SLIT2: variants seen among roughly 807,000 people sequenced by gnomAD.
The protein encoded by SLIT2 is slit guidance ligand 2, also known as slit homolog 2 protein.
A neutral mutation model predicts 185.7 loss-of-function variants in SLIT2; 41 were observed. The observed-to-expected ratio is 0.22, with a 90% CI of 0.17 to 0.29. SLIT2 has a LOEUF of 0.29. Ranked by LOEUF, SLIT2 falls within the 10% of genes least tolerant of loss-of-function variation. The pLI is 1.00. For missense variants in SLIT2, 1,571 were observed against 1,909.0 expected (o/e 0.82, Z 3.30); for synonymous variants, 693 against 680.2 (o/e 1.02, Z -0.29).
intron 4 of SLIT2, among the ~76,000 whole-genome samples, chr4:20,424,875 AGTAACAATGAATGAGACTT>A (rs1276981658): frequency 6.6e-6 from 1 of 152,146 alleles, no homozygotes; most frequent in Non-Finnish European, 1.5e-5. Flanking sequence ...CAAATTTTAA[AGTAACAATGAATGAGACTT>A]TACTAATATC....
In SLIT2 at chr4:20,542,502, G is replaced by A; in HGVS notation, c.2152G>A (p.Asp718Asn). The change falls in exon 21 of 37, where the codon GAC becomes AAC. Residue 718 changes from aspartate (D) to asparagine (N), a missense_variant. Transcript: ENST00000504154. ...QDFTCDDGND[D>N]NSCSPLSRCP... ...TTTCCTCTGCGATTTAGGAAATGAT[G>A]ACAATAGTTGCTCCCCACTTTCTCG... is the stretch of plus-strand genomic sequence containing the variant. The A allele has an allele frequency of 1.2e-6, 2 of 1,613,316 alleles. No homozygotes were observed. The highest frequency in any genetic ancestry group is 1.7e-6 in the Non-Finnish European group (2 of 1,179,622).
intron 4 of SLIT2, among the ~76,000 whole-genome samples, chr4:20,409,852 G>A (rs1396042945): frequency 6.6e-6 from 1 of 152,010 alleles, no homozygotes; most frequent in Non-Finnish European, 1.5e-5. Context: ...TATGTTTGCT[G>A]GCCGCATGTA....
At chr4:20,437,914 C>CA (rs1224604666) in intron 4 of SLIT2, among the ~76,000 whole-genome samples, 30,893 of 65,228 alleles carry the variant, frequency 0.47, 6,604 homozygotes, top group Non-Finnish European at 0.53. Flanking sequence ...GACTCCGTCT[C>CA]AAAAAAAAAA....
intron 4 of SLIT2, among the ~76,000 whole-genome samples, chr4:20,445,769 A>G (rs1379667870): frequency 5.3e-5 from 8 of 152,056 alleles, no homozygotes; most frequent in Admixed American, 5.2e-4. Context: ...GGACTTTTTG[A>G]TTCTATAACA....
intron 5 of SLIT2, among the ~76,000 whole-genome samples, chr4:20,470,482 GTC>G (rs1335452587): frequency 8.9e-6 from 1 of 112,580 alleles, no homozygotes; most frequent in Non-Finnish European, 1.9e-5. Flanking sequence ...GTGCAGTGGA[GTC>G]TGTGTGTGTG....
chr4:20,576,046 C>T (rs898226839), intron 29 of SLIT2, among the ~76,000 whole-genome samples: 3 of 152,128 alleles, frequency 2.0e-5, no homozygotes, highest in Non-Finnish European at 4.4e-5. Context: ...TAACATGTAA[C>T]TATGTATCGG....
intron 4 of SLIT2, among the ~76,000 whole-genome samples, chr4:20,413,617 C>T (rs1039642246): frequency 6.6e-6 from 1 of 151,850 alleles, no homozygotes; most frequent in Non-Finnish European, 1.5e-5. Context: ...TATTTTGGAG[C>T]TCTGTTTTTA....
chr4:20,324,086 C>A (rs1719333953), intron 4 of SLIT2, among the ~76,000 whole-genome samples: 1 of 152,052 alleles, frequency 6.6e-6, no homozygotes, highest in Admixed American at 6.6e-5. Flanking sequence ...AAGTCAAGAG[C>A]ATAGGGGTGG....
Position 20,542,481 on chromosome 4 carries a change from C to G in SLIT2, c.2144-13C>G, listed in dbSNP as rs778424651. On this transcript the variant is annotated splice_polypyrimidine_tract_variant and intron_variant, in intron 20 of 36. Coordinates refer to ENST00000504154, the MANE Select transcript of SLIT2 (RefSeq NM_004787.4). ...ACAAATCTTGGTTTTCCTGTATTTC[C>G]TCTGCGATTTAGGAAATGATGACAA... 2 of 1,612,436 alleles carry G rather than the reference C, an allele frequency of 1.2e-6. No homozygotes were observed. The highest frequency in any genetic ancestry group is 2.2e-5 in the South Asian group (2 of 90,674).
intron 4 of SLIT2, chr4:20,394,384 G>A (rs186273815): frequency 6.6e-6 from 1 of 152,040 alleles, no homozygotes. Context: ...GTGAACTTAT[G>A]TAAAATCCTT....
chr4:20,469,680 A>G (rs1345253935), intron 5 of SLIT2, among the ~76,000 whole-genome samples: 1 of 151,666 alleles, frequency 6.6e-6, no homozygotes, highest in Non-Finnish European at 1.5e-5. Context: ...CTGGAGTCTC[A>G]GAATGTTTTG....
At chr4:20,393,400 A>C (rs1253141839) in intron 4 of SLIT2, 3 of 152,118 alleles carry the variant, frequency 2.0e-5, no homozygotes, top group African/African-American at 7.2e-5. Flanking sequence ...GCATTCTCCG[A>C]ATATGATAAT....
At chr4:20,612,682 C>G (rs1212424823) in intron 34 of SLIT2, among the ~76,000 whole-genome samples, 1 of 152,132 alleles carries the variant, frequency 6.6e-6, no homozygotes, top group Non-Finnish European at 1.5e-5. Context: ...CTTTGGGAGG[C>G]CAAGGCGGGT....
intron 4 of SLIT2, among the ~76,000 whole-genome samples, chr4:20,290,211 C>T (rs1715661130): frequency 1.3e-5 from 2 of 152,304 alleles, no homozygotes; most frequent in South Asian, 2.1e-4. Flanking sequence ...TTATAAATCC[C>T]CACAGCATCA....
chr4:20,550,873 A>C lies in SLIT2; in HGVS notation c.2536A>C (p.Asn846His). Residue 846 changes from asparagine (N) to histidine (H), a missense_variant, in exon 25 of 37, where the codon AAT becomes CAT. Around this residue, in one of 3 missense-constraint regions of SLIT2, gnomAD observed 1,202 missense variants for 1,416.4 expected, o/e 0.85. Coordinates refer to ENST00000504154, the MANE Select transcript of SLIT2 (RefSeq NM_004787.4). The stretch of plus-strand genomic sequence containing the variant: ...TTCTGTTGTGCCTGAAGGTGCTTTC[A>C]ATGATCTTTCTGCATTATCACATCT... ...DISVVPEGAF[N>H]DLSALSHLAI... The C allele has an allele frequency of 5.0e-6, 8 of 1,607,726 alleles. No individual in the cohort carries two copies. The highest frequency in any genetic ancestry group is 6.8e-6 in the Non-Finnish European group (8 of 1,175,122).
At chr4:20,557,062 GT>G (rs1298875826) in intron 26 of SLIT2, among the ~76,000 whole-genome samples, 1 of 152,052 alleles carries the variant, frequency 6.6e-6, no homozygotes, top group East Asian at 1.9e-4. Context: ...TAGAAGAAAA[GT>G]TGGAAGCTAG....
At chr4:20,454,074 G>GT (rs1268101563) in intron 4 of SLIT2, among the ~76,000 whole-genome samples, 1 of 152,118 alleles carries the variant, frequency 6.6e-6, no homozygotes, top group Non-Finnish European at 1.5e-5. Flanking sequence ...TTCCCCTTTA[G>GT]TTTTTTAGAA....
chr4:20,540,297 A>G (rs954444692), intron 19 of SLIT2, among the ~76,000 whole-genome samples: 6 of 152,052 alleles, frequency 3.9e-5, no homozygotes, highest in African/African-American at 1.4e-4. Context: ...CAAGGAAAAA[A>G]AAAAAAAGAA....
intron 15 of SLIT2, among the ~76,000 whole-genome samples, chr4:20,527,995 T>C (rs921793959): frequency 6.6e-6 from 1 of 152,194 alleles, no homozygotes; most frequent in Non-Finnish European, 1.5e-5. Flanking sequence ...TTCTCTGTTG[T>C]CCTTGTAGCT....
Sources: gnomAD v4.1 joint callset for allele counts (sites outside exome capture counted in the v4.1 genomes callset) on GRCh38, gnomAD v4.1.1 for gene constraint, gnomAD v4.1.1 regional missense constraint, MANE v1.5 for transcripts, NCBI Gene and HGNC (gene_info 2026-07-23, HGNC 2026-07-21) for gene names.